RICTOR: variants seen among roughly 807,000 people sequenced by gnomAD.
RICTOR encodes the protein RPTOR independent companion of MTOR complex 2.
In RICTOR, 49 loss-of-function variants were observed where a neutral mutation model predicts 214.9. That is an observed-to-expected ratio of 0.23 (90% CI 0.18 to 0.29). RICTOR has a LOEUF of 0.29. Ranked by LOEUF, RICTOR falls within the 10% of genes least tolerant of loss-of-function variation. The pLI is 1.00. For synonymous variants in RICTOR, 717 were observed against 711.3 expected, an observed-to-expected ratio of 1.01 and a Z score of -0.13; for missense variants, 1,625 against 2,047.0, an observed-to-expected ratio of 0.79 and a Z score of 3.98.
chr5:39,056,207 T>G (rs1758195844), intron 2 of RICTOR, among the ~76,000 whole-genome samples: 1 of 152,198 alleles, frequency 6.6e-6, no homozygotes, highest in South Asian at 2.1e-4. Context: ...GCACTTACTA[T>G]GTCCCAGGGC....
At chr5:39,029,500 T>C (rs1756106885) in intron 2 of RICTOR, among the ~76,000 whole-genome samples, 1 of 152,230 alleles carries the variant, frequency 6.6e-6, no homozygotes, top group South Asian at 2.1e-4. Context: ...TATATTGTTA[T>C]CTTTACCTGT....
chr5:38,984,200 ATATTAT>A (rs1355136642), intron 7 of RICTOR, among the ~76,000 whole-genome samples: 1 of 89,160 alleles, frequency 1.1e-5, no homozygotes, highest in Non-Finnish European at 2.2e-5. Context: ...AAATCCATTC[ATATTAT>A]TAAGTTTCCG....
At chr5:39,005,410 A>T (rs1753981261) in intron 3 of RICTOR, among the ~76,000 whole-genome samples, 1 of 147,558 alleles carries the variant, frequency 6.8e-6, no homozygotes, top group Non-Finnish European at 1.5e-5. Context: ...CTGTTTTCTG[A>T]TGTGTCTAAT....
In RICTOR at chr5:38,959,914, C is replaced by T. The variant is rs1561460774; in HGVS notation, c.1916G>A (p.Gly639Glu). 2 of 1,613,202 alleles carry T rather than the reference C, an allele frequency of 1.2e-6. No individual in the cohort carries two copies. The highest frequency in any genetic ancestry group is 2.2e-5 in the East Asian group (1 of 44,810). ...DIVQWLNASSGMKPERSLQNN... is the reference protein window; with the variant it reads ...DIVQWLNASSEMKPERSLQNN... ...TTGAAGACTTCTTTCGGGTTTCATTCCAGATGAAGCATTGAGCCACTGAAC... is the reference window on the plus strand; with the variant it reads ...TTGAAGACTTCTTTCGGGTTTCATTTCAGATGAAGCATTGAGCCACTGAAC... The change falls in exon 21 of 38, where the codon GGA becomes GAA. Residue 639 changes from glycine to glutamate, a missense_variant. This residue lies in a region of RICTOR where 1,214 missense variants were observed against 1,470.5 expected (regional missense o/e 0.83). Coordinates refer to ENST00000357387, the MANE Select transcript of RICTOR (RefSeq NM_152756.5).
At chr5:39,070,361 C>T (rs1050192428) in intron 2 of RICTOR, among the ~76,000 whole-genome samples, 5 of 151,858 alleles carry the variant, frequency 3.3e-5, no homozygotes, top group Middle Eastern at 3.4e-3. Flanking sequence ...CCCAGCTACT[C>T]GGGAGGCTGA....
At chr5:38,957,078 T>C (rs1749323357) in intron 25 of RICTOR, among the ~76,000 whole-genome samples, 1 of 152,132 alleles carries the variant, frequency 6.6e-6, no homozygotes, top group South Asian at 2.1e-4. Flanking sequence ...TTATAATACT[T>C]CAAACAAAAT....
At chr5:38,978,835 C>A (rs1340326370) in intron 8 of RICTOR, among the ~76,000 whole-genome samples, 185 bp from the exon 9 acceptor site, 1 of 151,708 alleles carries the variant, frequency 6.6e-6, no homozygotes, top group East Asian at 1.9e-4. Flanking sequence ...AATTGAAGTT[C>A]TGAACTTTTA....
At position 39,028,873 on chromosome 5, in the gene RICTOR, G is replaced by C. The variant is rs138296016; in HGVS notation, c.98-7737C>G. 1.5e-3 allele frequency among the ~76,000 whole-genome samples: 222 copies of C among 152,098 alleles called. 1 individual carries two copies. Among genetic ancestry groups the C allele is most frequent in the African/African-American group, 5.3e-3 (219 of 41,506 alleles). The stretch of plus-strand genomic sequence containing the variant: ...CGAATGTGCCACTGCACTCCAGCTC[G>C]GGTGCCAGAGCAAGACCCAGTCTCT... On this transcript the variant is annotated intron_variant, in intron 2 of 37. Coordinates refer to ENST00000357387, the MANE Select transcript of RICTOR (RefSeq NM_152756.5).
intron 2 of RICTOR, among the ~76,000 whole-genome samples, chr5:39,071,670 G>A (rs1174772210): frequency 3.3e-5 from 5 of 152,138 alleles, no homozygotes; most frequent in African/African-American, 9.7e-5. Flanking sequence ...TTACAATCCA[G>A]AATGATTTGA....
rs1211547682 is a variant in RICTOR at position 39,050,185 on chromosome 5, CAAAT to C, written c.97+23922_97+23925del. ...GCTTTTTTACATATATAAATATAAA[CAAAT>C]AAATAAATAAATATATATATATATA... On this transcript the variant is annotated intron_variant, in intron 2 of 37. Coordinates refer to ENST00000357387, the MANE Select transcript of RICTOR (RefSeq NM_152756.5). 6.0e-5 allele frequency among the ~76,000 whole-genome samples: 9 copies of C among 149,152 alleles called. No homozygotes were observed. The East Asian group carries it at 7.9e-4, about 13-fold the overall frequency.
intron 2 of RICTOR, among the ~76,000 whole-genome samples, chr5:39,041,436 T>C (rs1485416588): frequency 6.6e-6 from 1 of 152,162 alleles, no homozygotes; most frequent in Non-Finnish European, 1.5e-5. Context: ...TGGATAATTA[T>C]TAAGGAAGGC....
In RICTOR at chr5:38,942,619, T is replaced by TAA. The variant is rs368923211; in HGVS notation, c.5052+212_5052+213dup. Among the ~76,000 whole-genome samples the TAA allele has an allele frequency of 3.3e-3, 437 of 133,666 alleles. 5 individuals carry two copies. Among genetic ancestry groups the TAA allele is most frequent in the African/African-American group, 0.011 (412 of 36,444 alleles). The allele number at this position is 133,666 out of a possible 152,430, so 87.7% of individuals were successfully genotyped here. A position where few individuals can be genotyped will look rare whatever the true frequency, so the allele number is the denominator to read the frequency against. ...GCAGATGACACCAACCTCGGCTAATTAAAAAAAAAAAAAAACTGTGTTGAC... is the reference window on the plus strand; with the variant it reads ...GCAGATGACACCAACCTCGGCTAATTAAAAAAAAAAAAAAAAACTGTGTTGAC... On this transcript the variant is annotated intron_variant, in intron 37 of 37. Coordinates refer to ENST00000357387, the MANE Select transcript of RICTOR (RefSeq NM_152756.5).
Position 38,949,905 on chromosome 5 carries a change from C to T in RICTOR, c.3943G>A (p.Ala1315Thr), listed in dbSNP as rs2112847962. The T allele has an allele frequency of 6.2e-7, 1 of 1,613,362 alleles. No individual in the cohort carries two copies. The highest frequency in any genetic ancestry group is 8.5e-7 in the Non-Finnish European group (1 of 1,179,552). Reference protein sequence around the residue: ...APSIATIKSLADCNFSYTSSR... With the variant: ...APSIATIKSLTDCNFSYTSSR... ...CTTGTGTAACTAAAGTTACAATCTG[C>T]TAGACTTTTAATTGTAGCAATAGAG... Residue 1315 changes from alanine to threonine, a missense_variant, in exon 31 of 38, where the codon GCA becomes ACA. By Grantham distance (58) the Ala-to-Thr change is moderately conservative. Transcript: ENST00000357387.
chr5:38,967,281 C>T, intron 13 of RICTOR, 54 bp from the exon 14 acceptor site: 1 of 1,595,196 alleles, frequency 6.3e-7, no homozygotes, highest in Non-Finnish European at 8.6e-7. Flanking sequence ...ATTACACAGT[C>T]TAACATAAAA....
chr5:38,982,161 C>A, intron 7 of RICTOR, 125 bp from the exon 8 acceptor site: 1 of 636,384 alleles, frequency 1.6e-6, no homozygotes, highest in Non-Finnish European at 2.7e-6. Flanking sequence ...TTTATAAGAA[C>A]AGGTAGATAA....
chr5:38,978,887 AC>A (rs1477661991), intron 8 of RICTOR, among the ~76,000 whole-genome samples: 1 of 152,116 alleles, frequency 6.6e-6, no homozygotes. Flanking sequence ...ATTTTCTCAA[AC>A]TAAGCACACT....
chr5:38,957,615 A>AAC (rs1210562209), intron 25 of RICTOR, 37 bp downstream of exon 25: 1 of 1,110,018 alleles, frequency 9.0e-7, no homozygotes, highest in Non-Finnish European at 1.3e-6. Flanking sequence ...AGAAGATAAA[A>AAC]ACACACAAAT....
intron 4 of RICTOR, among the ~76,000 whole-genome samples, chr5:39,003,122 CAATTTT>C (rs1420092353): frequency 1.3e-5 from 2 of 152,008 alleles, no homozygotes; most frequent in Non-Finnish European, 2.9e-5. Flanking sequence ...CCTTTTATAT[CAATTTT>C]AATTCCTAAG....
chr5:39,018,418 ACT>A (rs1755134775), intron 3 of RICTOR, among the ~76,000 whole-genome samples: 1 of 152,072 alleles, frequency 6.6e-6, no homozygotes. Context: ...CTTCACAGAT[ACT>A]CTGTTTTTTA....
Sources: allele counts gnomAD v4.1 joint callset (sites outside exome capture counted in the v4.1 genomes callset), GRCh38; gene constraint gnomAD v4.1.1; regional missense constraint gnomAD v4.1.1; transcripts MANE v1.5; gene names NCBI Gene and HGNC (gene_info 2026-07-23, HGNC 2026-07-21).